RASGRF2: variants seen among roughly 807,000 people sequenced by gnomAD.
RASGRF2 encodes the protein ras-specific guanine nucleotide-releasing factor 2.
RASGRF2 carries 76 observed loss-of-function variants against 151.0 expected under a neutral mutation model. The observed-to-expected ratio is 0.50, with a 90% CI of 0.42 to 0.61. RASGRF2 has a LOEUF of 0.61. Ranked by LOEUF, RASGRF2 falls within the 20% of genes least tolerant of loss-of-function variation. The pLI is 0.00. For missense variants in RASGRF2, 1,148 were observed against 1,564.6 expected (o/e 0.73, Z 4.49); for synonymous variants, 504 against 566.5 (o/e 0.89, Z 1.57).
At position 81,073,305 on chromosome 5, in the gene RASGRF2, T is replaced by C. The variant is rs1751835740; in HGVS notation, c.740T>C (p.Ile247Thr). Residue 247 changes from isoleucine to threonine, a missense_variant, in exon 5 of 27, where the codon ATT becomes ACT. Ile to Thr is a moderately conservative substitution (Grantham distance 89). Coordinates refer to ENST00000265080, the MANE Select transcript of RASGRF2 (RefSeq NM_006909.3). ...HAESMRKRNQ[I>T]VFTMVEAESE... ...GAAAGTATGAGGAAGAGAAACCAGA[T>C]TGTGTTCACCATGGTGGAGGCAGAG... 2 of 1,613,972 alleles carry C rather than the reference T, an allele frequency of 1.2e-6. No individual in the cohort carries two copies. The highest frequency in any genetic ancestry group is 1.1e-5 in the South Asian group (1 of 91,082).
intron 11 of RASGRF2, 71 bp from the exon 12 acceptor site, chr5:81,094,785 A>G: frequency 6.8e-7 from 1 of 1,464,876 alleles, no homozygotes; most frequent in Non-Finnish European, 9.5e-7. Flanking sequence ...TAAATAGAAT[A>G]ATGTGAAGGC....
intron 17 of RASGRF2, among the ~76,000 whole-genome samples, chr5:81,152,654 T>A (rs554290573): frequency 2.0e-5 from 3 of 152,080 alleles, no homozygotes; most frequent in Non-Finnish European, 4.4e-5. Context: ...CAAATTTCCT[T>A]CCCCAAAACA....
chr5:81,180,116 T>A, intron 17 of RASGRF2, 59 bp from the exon 18 acceptor site: 1 of 963,256 alleles, frequency 1.0e-6, no homozygotes, highest in Non-Finnish European at 1.7e-6. Flanking sequence ...TATGACCTTT[T>A]CCAGGTCCCT....
chr5:81,035,259 A>G lies in RASGRF2; in HGVS notation c.289-7618A>G, dbSNP rs535966330. 5.8e-4 allele frequency among the ~76,000 whole-genome samples: 89 copies of G among 152,310 alleles called. 2 individuals carry two copies. In the South Asian group the frequency reaches 0.017, roughly 29 times the overall value. On this transcript the variant is annotated intron_variant, in intron 1 of 26. Transcript: ENST00000265080. ...TGGATTAAGAAAATGTGGCACATAT[A>G]TACCATGGAATACTATGCAGCCATA...
chr5:81,013,862 T>C (rs532030182), intron 1 of RASGRF2, among the ~76,000 whole-genome samples: 70 of 152,288 alleles, frequency 4.6e-4, no homozygotes, highest in African/African-American at 1.6e-3. Flanking sequence ...CAATAATAAT[T>C]TTGTAAAGCT....
intron 17 of RASGRF2, among the ~76,000 whole-genome samples, chr5:81,143,136 C>T (rs1054032516): frequency 6.6e-6 from 1 of 152,040 alleles, no homozygotes; most frequent in South Asian, 2.1e-4. Flanking sequence ...GAAGAAAATA[C>T]ACATTTTTTA....
rs138439687 is a variant in RASGRF2 at position 81,140,411 on chromosome 5, AACACACAC to A, written c.2686+13266_2686+13273del. The stretch of plus-strand genomic sequence containing the variant: ...ACAATGGTCCCAAGTCCTATTTTTA[AACACACAC>A]ACACACACACACACACAGACACACA... On this transcript the variant is annotated intron_variant, in intron 17 of 26. Transcript: ENST00000265080. 7.4e-5 allele frequency among the ~76,000 whole-genome samples: 11 copies of A among 148,522 alleles called. No homozygotes were observed. The East Asian group carries it at 1.6e-3, about 21-fold the overall frequency.
intron 17 of RASGRF2, among the ~76,000 whole-genome samples, chr5:81,140,055 C>A (rs577604280): frequency 6.6e-6 from 1 of 152,184 alleles, no homozygotes; most frequent in African/African-American, 2.4e-5. Context: ...TCTCCAACCC[C>A]CGTCCTTAAG....
In RASGRF2 at chr5:81,123,869, T is replaced by A. The variant is rs142350243; in HGVS notation, c.2596+102T>A. 120 of 1,379,528 alleles carry A rather than the reference T, an allele frequency of 8.7e-5. No homozygotes were observed. In the African/African-American group the frequency reaches 1.6e-3, roughly 18 times the overall value. The allele number at this position is 1,379,528 out of a possible 1,614,324, so 85.5% of individuals were successfully genotyped here. A position where few individuals can be genotyped will look rare whatever the true frequency, so the allele number is the denominator to read the frequency against. ...TGTTTCACTGCCAAAATAATTTTTT[T>A]AGTCTCACTTATTGAAAATTAATTG... On this transcript the variant is annotated intron_variant, in intron 16 of 26. Transcript: ENST00000265080.
chr5:81,146,235 A>G (rs928826189), intron 17 of RASGRF2, among the ~76,000 whole-genome samples: 1 of 152,226 alleles, frequency 6.6e-6, no homozygotes, highest in Non-Finnish European at 1.5e-5. Flanking sequence ...TTGCTTAGCA[A>G]TAAGAAGGAA....
At chr5:81,163,149 C>T (rs1472834483) in intron 17 of RASGRF2, among the ~76,000 whole-genome samples, 1 of 152,102 alleles carries the variant, frequency 6.6e-6, no homozygotes. Context: ...AGGCTGCCAC[C>T]CTATGGCAGG....
chr5:81,111,895 G>T (rs973015765), intron 13 of RASGRF2, among the ~76,000 whole-genome samples: 1 of 152,186 alleles, frequency 6.6e-6, no homozygotes, highest in Admixed American at 6.5e-5. Flanking sequence ...ATATAGCAGT[G>T]ATATCTGTGT....
At chr5:81,031,235 G>T (rs925621311) in intron 1 of RASGRF2, among the ~76,000 whole-genome samples, 3 of 152,078 alleles carry the variant, frequency 2.0e-5, no homozygotes, top group African/African-American at 7.2e-5. Flanking sequence ...ACATTAAACA[G>T]ATCAACGAGA....
At chr5:81,138,198 A>G (rs947259760) in intron 17 of RASGRF2, among the ~76,000 whole-genome samples, 46 of 152,202 alleles carry the variant, frequency 3.0e-4, no homozygotes, top group African/African-American at 9.9e-4. Context: ...ATATCTTCCA[A>G]TGAAACCTTA....
At chr5:80,967,459 A>C (rs1376438420) in intron 1 of RASGRF2, among the ~76,000 whole-genome samples, 1 of 152,236 alleles carries the variant, frequency 6.6e-6, no homozygotes, top group South Asian at 2.1e-4. Context: ...AATTAAAAAA[A>C]AATTCAGGTC....
chr5:81,089,226 A>C (rs1752324260), intron 9 of RASGRF2, among the ~76,000 whole-genome samples: 1 of 152,186 alleles, frequency 6.6e-6, no homozygotes, highest in Non-Finnish European at 1.5e-5. Flanking sequence ...ATTTTAAAAA[A>C]ATTTAGAGGG....
At chr5:81,190,264 C>G (rs999320119) in intron 18 of RASGRF2, among the ~76,000 whole-genome samples, 2 of 152,172 alleles carry the variant, frequency 1.3e-5, no homozygotes, top group African/African-American at 4.8e-5. Flanking sequence ...ATAGGCTGAC[C>G]CTTATCTTTA....
intron 3 of RASGRF2, 81 bp downstream of exon 3, chr5:81,068,260 G>A (rs1751669848): frequency 1.4e-6 from 2 of 1,480,992 alleles, no homozygotes; most frequent in East Asian, 2.3e-5. Flanking sequence ...CCTATTCAGG[G>A]CAACATTTTA....
chr5:81,168,727 T>C (rs1754574041), intron 17 of RASGRF2, among the ~76,000 whole-genome samples: 1 of 152,156 alleles, frequency 6.6e-6, no homozygotes, highest in Non-Finnish European at 1.5e-5. Context: ...ATCACCTTCT[T>C]TTTCCCCTCA....
Sources: allele counts gnomAD v4.1 joint callset (sites outside exome capture counted in the v4.1 genomes callset), GRCh38; gene constraint gnomAD v4.1.1; transcripts MANE v1.5; gene names NCBI Gene and HGNC (gene_info 2026-07-23, HGNC 2026-07-21).